KHDRBS2: variants seen among roughly 807,000 people sequenced by gnomAD.
The protein encoded by KHDRBS2 is KH domain-containing, RNA-binding, signal transduction-associated protein 2.
In KHDRBS2, 26 loss-of-function variants were observed where a neutral mutation model predicts 44.3. The observed-to-expected ratio is 0.59, with a 90% CI of 0.43 to 0.81. The LOEUF (loss-of-function observed/expected upper bound fraction) is 0.81. Ranked by LOEUF, KHDRBS2 falls within the 40% of genes least tolerant of loss-of-function variation. The probability of loss-of-function intolerance (pLI) is 0.00; values close to 1 mark genes in which losing one functional copy is unlikely to be tolerated. For missense variants in KHDRBS2, 476 were observed against 433.1 expected, an observed-to-expected ratio of 1.10 and a Z score of -0.88; for synonymous variants, 194 against 151.1, an observed-to-expected ratio of 1.28 and a Z score of -2.08.
chr6:61,808,074 T>C (rs1001361887), intron 6 of KHDRBS2, among the ~76,000 whole-genome samples: 12 of 152,142 alleles, frequency 7.9e-5, no homozygotes, highest in African/African-American at 2.4e-4. Flanking sequence ...GGGCATCTTA[T>C]TTGAGAAGTA....
At chr6:62,212,569 A>T (rs485617) in intron 1 of KHDRBS2, among the ~76,000 whole-genome samples, 24,408 of 152,108 alleles carry the variant, frequency 0.16, 2,111 homozygotes, top group African/African-American at 0.22. Context: ...AATAGGGTGG[A>T]CCTTTAATCC....
intron 6 of KHDRBS2, among the ~76,000 whole-genome samples, chr6:61,751,341 GATA>G (rs1777659697): frequency 6.6e-6 from 1 of 152,160 alleles, no homozygotes; most frequent in Non-Finnish European, 1.5e-5. Context: ...AGGGGCTACT[GATA>G]ATCTGCTAAT....
At chr6:62,096,741 T>C (rs556939063) in intron 2 of KHDRBS2, among the ~76,000 whole-genome samples, 2 of 151,920 alleles carry the variant, frequency 1.3e-5, no homozygotes, top group East Asian at 3.8e-4. Context: ...TCTTTATTAT[T>C]TCTTTCTGTT....
intron 3 of KHDRBS2, among the ~76,000 whole-genome samples, chr6:62,037,777 T>C (rs973685593): frequency 1.1e-4 from 17 of 152,008 alleles, no homozygotes; most frequent in Admixed American, 5.9e-4. Flanking sequence ...GAAAAAGGCA[T>C]ATGCAAGAAT....
chr6:62,129,494 G>A (rs1332494994), intron 2 of KHDRBS2, among the ~76,000 whole-genome samples: 1 of 152,020 alleles, frequency 6.6e-6, no homozygotes, highest in Non-Finnish European at 1.5e-5. Flanking sequence ...GCAATAAAAC[G>A]GAACTTAAGA....
the KHDRBS2 span, among the ~76,000 whole-genome samples, chr6:61,622,484 T>G: frequency 1.3e-5 from 2 of 152,312 alleles, no homozygotes; most frequent in South Asian, 4.1e-4. Flanking sequence ...AAGATGGATT[T>G]TATGATTGCT....
chr6:61,690,402 G>A (rs1767265402), intron 8 of KHDRBS2, among the ~76,000 whole-genome samples: 1 of 151,576 alleles, frequency 6.6e-6, no homozygotes, highest in South Asian at 2.1e-4. Flanking sequence ...CTCCCTCTTA[G>A]CCAAAATGAT....
At chr6:61,732,124 A>G (rs1035231937) in intron 7 of KHDRBS2, among the ~76,000 whole-genome samples, 1 of 152,146 alleles carries the variant, frequency 6.6e-6, no homozygotes, top group African/African-American at 2.4e-5. Context: ...AGTTCATCAT[A>G]TATAAATAAC....
chr6:62,003,270 C>T (rs1172660495), intron 3 of KHDRBS2, among the ~76,000 whole-genome samples: 7 of 151,496 alleles, frequency 4.6e-5, no homozygotes, highest in Admixed American at 4.0e-4. Flanking sequence ...CAAAGTGAGA[C>T]CCTGTCTTTC....
rs146417310 is a variant in KHDRBS2 at position 61,905,829 on chromosome 6, A to T, written c.484-4458T>A. 4.3e-3 allele frequency among the ~76,000 whole-genome samples: 645 copies of T among 151,458 alleles called. 8 individuals carry two copies. The highest frequency in any genetic ancestry group is 0.015 in the African/African-American group (604 of 41,280). ...ATAGCAATGAGGCACCTAAATGCTT[A>T]AAAAAAATATGGAACAAAACTTTTC... On this transcript the variant is annotated intron_variant, in intron 4 of 8. Transcript: ENST00000281156.
chr6:62,177,075 T>C (rs1469657308), intron 2 of KHDRBS2, 110 bp downstream of exon 2: 1 of 668,074 alleles, frequency 1.5e-6, no homozygotes, highest in Admixed American at 3.4e-5. Flanking sequence ...TGCATACACT[T>C]ACATTATGAA....
At chr6:62,082,612 T>A (rs1202981742) in intron 2 of KHDRBS2, among the ~76,000 whole-genome samples, 1 of 152,136 alleles carries the variant, frequency 6.6e-6, no homozygotes, top group African/African-American at 2.4e-5. Context: ...CAAGGACATT[T>A]TCTTGGGATG....
At chr6:61,675,996 C>G (rs1765912596), downstream of KHDRBS2, among the ~76,000 whole-genome samples, 1 of 151,774 alleles carries the variant, frequency 6.6e-6, no homozygotes, top group Non-Finnish European at 1.5e-5. Flanking sequence ...GGATGTCAGA[C>G]ATGATGTTTG....
chr6:62,270,395 T>C (rs558587001), intron 1 of KHDRBS2, among the ~76,000 whole-genome samples: 73 of 144,652 alleles, frequency 5.0e-4, no homozygotes, highest in African/African-American at 1.8e-3. Flanking sequence ...TCTGCCATGA[T>C]TGGAAGCTTC....
chr6:61,699,209 C>T (rs1768278471), intron 7 of KHDRBS2, among the ~76,000 whole-genome samples: 1 of 151,966 alleles, frequency 6.6e-6, no homozygotes. Flanking sequence ...ATAGGAAGCC[C>T]AGACACCATT....
chr6:62,211,174 T>C (rs937852208), intron 1 of KHDRBS2, among the ~76,000 whole-genome samples: 23 of 152,148 alleles, frequency 1.5e-4, no homozygotes, highest in South Asian at 8.3e-4. Flanking sequence ...AGATAATCTG[T>C]ACTCCTTAAT....
At chr6:61,813,960 C>G (rs1788510953) in intron 6 of KHDRBS2, 1 of 453,648 alleles carries the variant, frequency 2.2e-6, no homozygotes, top group Non-Finnish European at 4.4e-6. Flanking sequence ...ACAACTCAGT[C>G]CCACTCCCAC....
At chr6:61,839,812 T>C (rs1382229912) in intron 6 of KHDRBS2, among the ~76,000 whole-genome samples, 1 of 152,006 alleles carries the variant, frequency 6.6e-6, no homozygotes, top group African/African-American at 2.4e-5. Flanking sequence ...TGTATGGATA[T>C]TGAAAGAAAG....
At chr6:62,163,335 G>A (rs1398218631) in intron 2 of KHDRBS2, among the ~76,000 whole-genome samples, 1 of 152,000 alleles carries the variant, frequency 6.6e-6, no homozygotes, top group Non-Finnish European at 1.5e-5. Flanking sequence ...ATATTTCAAT[G>A]AGGAAATGGA....
Sources: allele counts gnomAD v4.1 joint callset (sites outside exome capture counted in the v4.1 genomes callset), GRCh38; gene constraint gnomAD v4.1.1; transcripts MANE v1.5; gene names NCBI Gene and HGNC (gene_info 2026-07-23, HGNC 2026-07-21).